KCNIP4: variants seen among roughly 807,000 people sequenced by gnomAD.
KCNIP4 encodes Kv channel-interacting protein 4.
A neutral mutation model predicts 34.0 loss-of-function variants in KCNIP4; 12 were observed. The observed-to-expected ratio is 0.35, with a 90% CI of 0.23 to 0.57. KCNIP4 has a LOEUF of 0.57. Among genes scored for constraint, KCNIP4 ranks in the 20% least tolerant of loss-of-function variants. The pLI, the probability that KCNIP4 is intolerant of heterozygous loss-of-function variation, is 0.83. For synonymous variants in KCNIP4, 124 were observed against 102.2 expected, an observed-to-expected ratio of 1.21 and a Z score of -1.29; for missense variants, 238 against 311.7, an observed-to-expected ratio of 0.76 and a Z score of 1.78.
At chr4:21,401,763 C>T (rs1489816662) in intron 1 of KCNIP4, among the ~76,000 whole-genome samples, 1 of 152,086 alleles carries the variant, frequency 6.6e-6, no homozygotes, top group East Asian at 1.9e-4. Flanking sequence ...GTTGTGAGCC[C>T]ATTATATAAT....
At chr4:21,494,305 G>C (rs1732660971) in intron 1 of KCNIP4, among the ~76,000 whole-genome samples, 1 of 151,888 alleles carries the variant, frequency 6.6e-6, no homozygotes, top group East Asian at 1.9e-4. Flanking sequence ...ATGTTATAAG[G>C]ATTGACTTAG....
At chr4:21,015,871 A>T (rs998673238) in intron 1 of KCNIP4, among the ~76,000 whole-genome samples, 1 of 141,742 alleles carries the variant, frequency 7.1e-6, no homozygotes, top group Non-Finnish European at 1.5e-5. Context: ...AATATATAAA[A>T]ATATATAAAT....
chr4:20,876,691 C>T (rs1479336227), intron 2 of KCNIP4, among the ~76,000 whole-genome samples: 1 of 152,104 alleles, frequency 6.6e-6, no homozygotes, highest in Non-Finnish European at 1.5e-5. Context: ...TCTCCTGCCT[C>T]AGCCTTCCAA....
At chr4:20,904,144 T>C (rs1307474062) in intron 1 of KCNIP4, among the ~76,000 whole-genome samples, 5 of 152,110 alleles carry the variant, frequency 3.3e-5, no homozygotes, top group Non-Finnish European at 7.3e-5. Flanking sequence ...CTGCCTATAG[T>C]TCTCTATGTG....
At position 21,059,881 on chromosome 4, in the gene KCNIP4, G is replaced by A. The variant is rs140399811; in HGVS notation, c.62-177172C>T. On this transcript the variant is annotated intron_variant, in intron 1 of 8. Coordinates refer to ENST00000382152, the MANE Select transcript of KCNIP4 (RefSeq NM_025221.6). Reference sequence around the variant, plus strand: ...TGTGGTAGACTGTGTGGGGTGAAGCGTTGACTGAAACCTGGCCCTTGTCTT... The same window carrying A: ...TGTGGTAGACTGTGTGGGGTGAAGCATTGACTGAAACCTGGCCCTTGTCTT... Among the ~76,000 whole-genome samples, 545 of 152,056 alleles carry A rather than the reference G, an allele frequency of 3.6e-3. 5 individuals are homozygous for A. Among genetic ancestry groups the A allele is most frequent in the African/African-American group, 8.3e-3 (344 of 41,486 alleles).
intron 1 of KCNIP4, among the ~76,000 whole-genome samples, chr4:21,234,109 CGT>C (rs1759055525): frequency 1.0e-5 from 1 of 98,878 alleles, no homozygotes; most frequent in Non-Finnish European, 1.8e-5. Flanking sequence ...ACATATATAA[CGT>C]ATATTATATA....
Position 20,882,647 on chromosome 4 carries a change from G to A in KCNIP4, c.124C>T (p.Pro42Ser). 1 of 1,613,668 alleles carries A rather than the reference G, an allele frequency of 6.2e-7. No individual in the cohort carries two copies. The change falls in exon 2 of 9, where the codon CCC (proline) becomes TCC (serine). Residue 42 changes from proline (P) to serine (S), a missense_variant. Transcript: ENST00000382152. Reference sequence around the variant, plus strand: ...GACGACGTTTTGGCAGCTGAGCAGGGCAAGAGCTTCATGAGCCGCTCTTTA... The same window carrying A: ...GACGACGTTTTGGCAGCTGAGCAGGACAAGAGCTTCATGAGCCGCTCTTTA... ...SIKERLMKLL[P>S]CSAAKTSSPA...
intron 1 of KCNIP4, among the ~76,000 whole-genome samples, chr4:21,628,869 A>T (rs1348276909): frequency 6.6e-6 from 1 of 152,232 alleles, no homozygotes; most frequent in African/African-American, 2.4e-5. Flanking sequence ...TTGCAAGTTT[A>T]TACACCTTTC....
intron 1 of KCNIP4, among the ~76,000 whole-genome samples, chr4:21,947,079 C>G (rs1216919809): frequency 6.6e-6 from 1 of 152,172 alleles, no homozygotes; most frequent in Non-Finnish European, 1.5e-5. Context: ...GCCATCTGCT[C>G]CAGCCTTGAG....
intron 1 of KCNIP4, among the ~76,000 whole-genome samples, chr4:21,252,562 C>T (rs190904508): frequency 1.3e-5 from 2 of 151,962 alleles, no homozygotes; most frequent in Non-Finnish European, 2.9e-5. Flanking sequence ...GGGCAGCACA[C>T]GAAGACCTGA....
intron 1 of KCNIP4, among the ~76,000 whole-genome samples, chr4:21,643,867 TGATGATAGATAGATA>T (rs371419673): frequency 1.8e-3 from 229 of 128,582 alleles, no homozygotes; most frequent in African/African-American, 6.0e-3. Context: ...GTGATGATGA[TGATGATAGATAGATA>T]GATAGATAGA....
intron 1 of KCNIP4, among the ~76,000 whole-genome samples, chr4:20,954,355 T>G (rs1733083086): frequency 6.6e-6 from 1 of 152,186 alleles, no homozygotes; most frequent in African/African-American, 2.4e-5. Flanking sequence ...CAATGTGGTT[T>G]TGTGCAAAGT....
chr4:21,043,591 G>A (rs1385447271), intron 1 of KCNIP4, among the ~76,000 whole-genome samples: 1 of 151,742 alleles, frequency 6.6e-6, no homozygotes, highest in Non-Finnish European at 1.5e-5. Context: ...CACCCGCCTT[G>A]GCCTCTCAAA....
At chr4:20,749,457 TATAAAGCATTAGAAA>T (rs1753167151) in intron 5 of KCNIP4, among the ~76,000 whole-genome samples, 190 bp downstream of exon 5, 5 of 152,204 alleles carry the variant, frequency 3.3e-5, no homozygotes, top group Admixed American at 2.6e-4. Flanking sequence ...TATGAGCCGA[TATAAAGCATTAGAAA>T]ATAAACTGAA....
chr4:21,277,606 T>C (rs1342497771), intron 1 of KCNIP4, among the ~76,000 whole-genome samples: 2 of 152,094 alleles, frequency 1.3e-5, no homozygotes, highest in Non-Finnish European at 1.5e-5. Context: ...GAATCTCACA[T>C]AAAGAAATAC....
At chr4:21,557,868 T>C (rs1052226915) in intron 1 of KCNIP4, among the ~76,000 whole-genome samples, 1 of 152,138 alleles carries the variant, frequency 6.6e-6, no homozygotes, top group African/African-American at 2.4e-5. Flanking sequence ...AAGGAAGATG[T>C]GGGGATTCTT....
At position 21,400,415 on chromosome 4, in the gene KCNIP4, G is replaced by A. The variant is rs142620596; in HGVS notation, c.62-517706C>T. Among the ~76,000 whole-genome samples, 258 of 147,470 alleles carry A rather than the reference G, an allele frequency of 1.7e-3. 3 individuals are homozygous for A. Among genetic ancestry groups the A allele is most frequent in the Middle Eastern group, 6.9e-3 (2 of 290 alleles). On this transcript the variant is annotated intron_variant, in intron 1 of 8. Transcript: ENST00000382152. Reference sequence around the variant, plus strand: ...GGTATAGTATGTGGGGTGGGTGGGAGTGGTCATTTCAAACACACGTCCTCT... The same window carrying A: ...GGTATAGTATGTGGGGTGGGTGGGAATGGTCATTTCAAACACACGTCCTCT...
Position 21,618,598 on chromosome 4 carries a change from A to G in KCNIP4, c.61+329973T>C, listed in dbSNP as rs1452002507. Among the ~76,000 whole-genome samples, 6 of 109,874 alleles carry G rather than the reference A, an allele frequency of 5.5e-5. No individual in the cohort carries two copies. In the South Asian group the frequency reaches 1.6e-3, roughly 30 times the overall value. 72.1% of individuals were successfully genotyped at this position (109,874 alleles called of 152,430 possible). A position where few individuals can be genotyped will look rare whatever the true frequency, so the allele number is the denominator to read the frequency against. The stretch of plus-strand genomic sequence containing the variant: ...TCTCTCTCACTCTCTGTTTGTATTT[A>G]TATATTTTCTTTTCTTTTTCTTTTT... On this transcript the variant is annotated intron_variant, in intron 1 of 8. Transcript: ENST00000382152.
intron 1 of KCNIP4, among the ~76,000 whole-genome samples, chr4:21,142,229 C>T (rs1419454917): frequency 6.6e-6 from 1 of 151,124 alleles, no homozygotes; most frequent in Non-Finnish European, 1.5e-5. Context: ...GGCTGAGGAT[C>T]TTAGAAACTA....
Sources: gnomAD v4.1 joint callset for allele counts (sites outside exome capture counted in the v4.1 genomes callset) on GRCh38, gnomAD v4.1.1 for gene constraint, MANE v1.5 for transcripts, NCBI Gene and HGNC (gene_info 2026-07-23, HGNC 2026-07-21) for gene names.